Variants in BTBD9 observed in about 807,000 individuals in gnomAD.
BTBD9 encodes the protein BTB domain containing 9.
BTBD9 carries 49 observed loss-of-function variants against 64.3 expected under a neutral mutation model. That is an observed-to-expected ratio of 0.76 (90% CI 0.61 to 0.97). The LOEUF (loss-of-function observed/expected upper bound fraction) is 0.97, where lower values mean the gene tolerates loss of function less well. Ranked by LOEUF, BTBD9 falls within the 50% of genes least tolerant of loss-of-function variation. BTBD9 has a pLI of 0.00. For synonymous variants in BTBD9, 260 were observed against 274.7 expected (o/e 0.95, Z 0.53); for missense variants, 598 against 762.1 (o/e 0.78, Z 2.53).
In BTBD9 at chr6:38,388,639, T is replaced by G. The variant is rs577797461; in HGVS notation, c.1155-43546A>C. Among the ~76,000 whole-genome samples the G allele has an allele frequency of 1.1e-3, 165 of 152,346 alleles. 1 individual carries two copies. Among genetic ancestry groups the G allele is most frequent in the African/African-American group, 3.8e-3 (157 of 41,580 alleles). On this transcript the variant is annotated intron_variant, in intron 6 of 10. Coordinates refer to ENST00000481247, the MANE Select transcript of BTBD9 (RefSeq NM_001099272.2). ...AACTGAATTTAGTGTGTTTATAGAT[T>G]CAATATGGCCATTTTCAAATGAACT... is the stretch of plus-strand genomic sequence containing the variant.
Position 38,184,615 on chromosome 6 carries a change from T to C in BTBD9, c.1641+7904A>G, listed in dbSNP as rs1486467517. Among the ~76,000 whole-genome samples the C allele has an allele frequency of 1.3e-5, 2 of 152,174 alleles. No homozygotes were observed. The highest frequency in any genetic ancestry group is 2.1e-4 in the South Asian group (1 of 4,822). On this transcript the variant is annotated intron_variant, in intron 10 of 10. Transcript: ENST00000481247. The surrounding 1 kb of genome is among the most constrained non-coding windows in gnomAD (Gnocchi z 4.4). The stretch of plus-strand genomic sequence containing the variant: ...GGGGGTTCTGGCCCTGGGGCCAGCA[T>C]GTGACTGCTTTGAGGTGCTTCTGGG...
At chr6:38,366,527 G>T (rs1449442392) in intron 6 of BTBD9, among the ~76,000 whole-genome samples, 1 of 152,158 alleles carries the variant, frequency 6.6e-6, no homozygotes, top group African/African-American at 2.4e-5. Context: ...CTTTATAACA[G>T]GGCAGAACCC....
intron 1 of BTBD9, among the ~76,000 whole-genome samples, chr6:38,615,492 C>T (rs1038047264): frequency 1.3e-5 from 2 of 152,178 alleles, no homozygotes; most frequent in South Asian, 4.1e-4. Context: ...TCCAGCCACA[C>T]TGGCCTTACT....
chr6:38,391,558 A>C (rs1006574125), intron 6 of BTBD9, among the ~76,000 whole-genome samples: 14 of 152,118 alleles, frequency 9.2e-5, no homozygotes, highest in African/African-American at 3.4e-4. Flanking sequence ...GTAATGATTA[A>C]TTCTCTTTTA....
chr6:38,345,062 C>G lies in BTBD9; in HGVS notation c.1186G>C (p.Val396Leu). Reference protein sequence around the residue: ...YIRIVGTHNTVNKIFHIVAFE... With the variant: ...YIRIVGTHNTLNKIFHIVAFE... ...GCCACAATGTGAAAAATCTTGTTCACTGTGTTGTGAGTCCCAACAATTCGA... is the reference window on the plus strand; with the variant it reads ...GCCACAATGTGAAAAATCTTGTTCAGTGTGTTGTGAGTCCCAACAATTCGA... Residue 396 changes from valine to leucine, a missense_variant, in exon 7 of 11, where the codon GTG becomes CTG. By Grantham distance (32) the Val-to-Leu change is conservative. Transcript: ENST00000481247. The G allele has an allele frequency of 6.2e-7, 1 of 1,608,814 alleles. No homozygotes were observed. The highest frequency in any genetic ancestry group is 8.5e-7 in the Non-Finnish European group (1 of 1,176,614).
At chr6:38,571,903 T>C (rs1158232765) in intron 6 of BTBD9, 2 of 152,160 alleles carry the variant, frequency 1.3e-5, no homozygotes, top group African/African-American at 4.8e-5. Flanking sequence ...GAGGTTGCAG[T>C]GAGCCAAGAT....
intron 9 of BTBD9, among the ~76,000 whole-genome samples, chr6:38,198,124 T>C (rs1762327301): frequency 6.6e-6 from 1 of 152,252 alleles, no homozygotes; most frequent in Non-Finnish European, 1.5e-5. Context: ...TATTCTCTTA[T>C]GGATTTTAAA....
rs538945386 is a variant in BTBD9, at chr6:38,376,936, A to G, written c.1155-31843T>C. ...TCTAAGTGCATTATCCTACTTGATG[A>G]TATACTTGCCCTCTCCCTGGCCGGT... On this transcript the variant is annotated intron_variant, in intron 6 of 10. Transcript: ENST00000481247. Among the ~76,000 whole-genome samples, 5 of 152,296 alleles carry G rather than the reference A, an allele frequency of 3.3e-5. No homozygotes were observed. In the East Asian group the frequency reaches 9.6e-4, roughly 29 times the overall value.
At position 38,209,709 on chromosome 6, in the gene BTBD9, G is replaced by A. The variant is rs189583143; in HGVS notation, c.1563-17112C>T. ...TGCCCAGGTTGGGGATTGAGTGTTA[G>A]GAGCAGCTTGCTAGCATGGACATGT... On this transcript the variant is annotated intron_variant, in intron 9 of 10. Transcript: ENST00000481247. 3.3e-3 allele frequency among the ~76,000 whole-genome samples: 509 copies of A among 152,288 alleles called. 1 individual carries two copies. Among genetic ancestry groups the A allele is most frequent in the Non-Finnish European group, 5.4e-3 (365 of 68,014 alleles).
rs115550683 is a variant in BTBD9, at chr6:38,411,471, T to A, written c.1155-66378A>T. On this transcript the variant is annotated intron_variant, in intron 6 of 10. Transcript: ENST00000481247. ...GGGATGGGCTTTTTAATAAGTATTG[T>A]TGGGTTAACCAGATGGCCATACGGA... 3.3e-3 allele frequency among the ~76,000 whole-genome samples: 510 copies of A among 152,282 alleles called. 2 individuals are homozygous for A. The highest frequency in any genetic ancestry group is 0.012 in the African/African-American group (490 of 41,554).
chr6:38,369,721 CT>C, intron 6 of BTBD9, among the ~76,000 whole-genome samples: 1 of 152,328 alleles, frequency 6.6e-6, no homozygotes, highest in East Asian at 1.9e-4. Flanking sequence ...CTCTGCTGCC[CT>C]TCTGGTGCCG....
chr6:38,395,919 C>T (rs1766648965), intron 6 of BTBD9, among the ~76,000 whole-genome samples: 1 of 152,126 alleles, frequency 6.6e-6, no homozygotes, highest in African/African-American at 2.4e-5. Flanking sequence ...CCATGTTAGC[C>T]AGGATGGTCT....
intron 6 of BTBD9, among the ~76,000 whole-genome samples, chr6:38,453,798 G>T (rs1440400952): frequency 6.6e-6 from 1 of 152,134 alleles, no homozygotes; most frequent in Non-Finnish European, 1.5e-5. Context: ...TGCTACAACT[G>T]CAATAACCGC....
chr6:38,269,831 C>T (rs1413824879), intron 8 of BTBD9, among the ~76,000 whole-genome samples: 1 of 152,160 alleles, frequency 6.6e-6, no homozygotes, highest in Non-Finnish European at 1.5e-5. Context: ...CAAGAATTGC[C>T]TTTCTAGAAA....
chr6:38,482,028 G>A (rs1216833851), intron 6 of BTBD9: 1 of 152,150 alleles, frequency 6.6e-6, no homozygotes, highest in Non-Finnish European at 1.5e-5. Flanking sequence ...AATGTTGAAG[G>A]GGAAAGTAAC....
At chr6:38,436,205 A>T (rs73730959) in intron 6 of BTBD9, among the ~76,000 whole-genome samples, 1 of 151,996 alleles carries the variant, frequency 6.6e-6, no homozygotes, top group African/African-American at 2.4e-5. Context: ...AGTCAACATA[A>T]GCAGTAGAAT....
intron 9 of BTBD9, among the ~76,000 whole-genome samples, chr6:38,196,506 C>T (rs1280073786): frequency 6.6e-6 from 1 of 152,198 alleles, no homozygotes; most frequent in Non-Finnish European, 1.5e-5. Flanking sequence ...CACAGAGGTT[C>T]TTGGGACACC....
intron 6 of BTBD9, among the ~76,000 whole-genome samples, chr6:38,517,058 G>A (rs535867172): frequency 6.6e-6 from 1 of 152,202 alleles, no homozygotes; most frequent in African/African-American, 2.4e-5. Context: ...GATAAACTTG[G>A]AGAGACTAGA....
At chr6:38,314,401 T>C (rs528980912) in intron 7 of BTBD9, among the ~76,000 whole-genome samples, 1 of 152,146 alleles carries the variant, frequency 6.6e-6, no homozygotes, top group African/African-American at 2.4e-5. Flanking sequence ...TTCACCATGT[T>C]AGCCAGGATG....
Sources: gnomAD v4.1 joint callset for allele counts (sites outside exome capture counted in the v4.1 genomes callset) on GRCh38, gnomAD v4.1.1 for gene constraint, Gnocchi (gnomAD v3.1) non-coding constraint, MANE v1.5 for transcripts, NCBI Gene and HGNC (gene_info 2026-07-23, HGNC 2026-07-21) for gene names.